The following CSMD1 variants were observed in gnomAD, a reference collection of about 807,000 sequenced individuals.
The protein encoded by CSMD1 is CUB and sushi domain-containing protein 1.
Under a neutral mutation model 417.5 loss-of-function variants are expected in CSMD1, and 213 were observed. The ratio of observed to expected loss-of-function variants is 0.51; its 90% CI spans 0.46 to 0.57. The LOEUF (loss-of-function observed/expected upper bound fraction) is 0.57. Ranked by LOEUF, CSMD1 falls within the 20% of genes least tolerant of loss-of-function variation. The pLI is 0.00. For missense variants in CSMD1, 6,923 were observed against 4,529.7 expected, an observed-to-expected ratio of 1.53 and a Z score of -15.17; for synonymous variants, 2,862 against 1,736.8, an observed-to-expected ratio of 1.65 and a Z score of -16.11.
At chr8:3,887,353 A>C (rs1028214421) in intron 5 of CSMD1, among the ~76,000 whole-genome samples, 2 of 152,186 alleles carry the variant, frequency 1.3e-5, no homozygotes, top group African/African-American at 4.8e-5. Context: ...CAATAAAAGC[A>C]AGATAAATCA....
At chr8:4,033,681 G>A (rs968392535) in intron 3 of CSMD1, among the ~76,000 whole-genome samples, 1 of 152,164 alleles carries the variant, frequency 6.6e-6, no homozygotes, top group Non-Finnish European at 1.5e-5. Flanking sequence ...ATTTGGCTCA[G>A]AATAAATCTC....
chr8:4,172,458 C>A (rs1012558072), intron 3 of CSMD1, among the ~76,000 whole-genome samples: 2 of 151,884 alleles, frequency 1.3e-5, no homozygotes, highest in Admixed American at 1.3e-4. Flanking sequence ...TGTTGTGTTA[C>A]AACAGACACT....
intron 3 of CSMD1, among the ~76,000 whole-genome samples, chr8:4,173,093 G>A (rs1700026): frequency 0.18 from 26,875 of 151,948 alleles, 2,583 homozygotes; most frequent in East Asian, 0.32. Flanking sequence ...TCAGGGAAAG[G>A]TTGTATGAAC....
intron 4 of CSMD1, among the ~76,000 whole-genome samples, chr8:4,012,622 T>C (rs2740945): frequency 6.6e-6 from 1 of 151,704 alleles, no homozygotes; most frequent in South Asian, 2.1e-4. Context: ...TCTGTATGTC[T>C]ACAGTTTTCA....
intron 5 of CSMD1, among the ~76,000 whole-genome samples, chr8:3,975,899 G>C (rs2130128604): frequency 6.6e-6 from 1 of 152,188 alleles, no homozygotes; most frequent in Non-Finnish European, 1.5e-5. Flanking sequence ...AGTTGCAAAT[G>C]AGTGAATGTA....
intron 3 of CSMD1, among the ~76,000 whole-genome samples, chr8:4,188,664 A>G (rs934575165): frequency 2.6e-5 from 4 of 152,164 alleles, no homozygotes; most frequent in African/African-American, 9.7e-5. Context: ...ACTCTCATAA[A>G]ACAGTCTAGT....
chr8:4,792,246 A>T (rs1337893413), intron 1 of CSMD1, among the ~76,000 whole-genome samples: 1 of 152,240 alleles, frequency 6.6e-6, no homozygotes, highest in African/African-American at 2.4e-5. Flanking sequence ...CTGAAAAATA[A>T]CAGTGATAAA....
intron 9 of CSMD1, among the ~76,000 whole-genome samples, chr8:3,580,857 C>G (rs1039886410): frequency 3.9e-5 from 6 of 152,090 alleles, no homozygotes; most frequent in African/African-American, 1.4e-4. Context: ...TCTACAAGGG[C>G]AGAAAACACC....
chr8:4,239,493 C>A (rs1802263509), intron 3 of CSMD1, among the ~76,000 whole-genome samples: 1 of 152,092 alleles, frequency 6.6e-6, no homozygotes, highest in Non-Finnish European at 1.5e-5. Flanking sequence ...GATCAGCTGC[C>A]CCACCCCAGT....
chr8:3,707,508 G>T (rs532642910), intron 7 of CSMD1, among the ~76,000 whole-genome samples: 1 of 152,318 alleles, frequency 6.6e-6, no homozygotes, highest in South Asian at 2.1e-4. Context: ...AGCGTGAGCA[G>T]AAAACGGCCC....
intron 10 of CSMD1, among the ~76,000 whole-genome samples, chr8:3,537,521 C>A (rs1292087753): frequency 6.6e-6 from 1 of 152,142 alleles, no homozygotes; most frequent in African/African-American, 2.4e-5. Flanking sequence ...AATGTTTGGA[C>A]AAACCCCCTA....
intron 49 of CSMD1, among the ~76,000 whole-genome samples, chr8:3,059,705 A>C (rs1459278390): frequency 6.6e-6 from 1 of 152,154 alleles, no homozygotes; most frequent in Non-Finnish European, 1.5e-5. Flanking sequence ...CCAGTAGGGC[A>C]GCCCATGAGA....
At chr8:4,427,057 G>C (rs1246187961) in intron 2 of CSMD1, among the ~76,000 whole-genome samples, 2 of 152,038 alleles carry the variant, frequency 1.3e-5, no homozygotes, top group African/African-American at 2.4e-5. Flanking sequence ...AACAGCCCCA[G>C]AGAGCTTGGG....
intron 3 of CSMD1, among the ~76,000 whole-genome samples, chr8:4,205,434 T>A (rs1799919861): frequency 6.6e-6 from 1 of 152,260 alleles, no homozygotes; most frequent in African/African-American, 2.4e-5. Flanking sequence ...AACTGATATT[T>A]ATTTCATGAT....
intron 30 of CSMD1, among the ~76,000 whole-genome samples, chr8:3,212,027 G>T (rs143922447): frequency 6.6e-6 from 1 of 152,080 alleles, no homozygotes; most frequent in South Asian, 2.1e-4. Flanking sequence ...CCACTTCTTC[G>T]TTTGTCTCCG....
chr8:2,989,499 AAGC>A (rs1384972547), intron 54 of CSMD1, among the ~76,000 whole-genome samples: 2 of 152,228 alleles, frequency 1.3e-5, no homozygotes, highest in Non-Finnish European at 2.9e-5. Flanking sequence ...ATATTTGAAA[AAGC>A]AGTTTTTAAA....
At chr8:3,642,853 C>G (rs1434660373) in intron 7 of CSMD1, among the ~76,000 whole-genome samples, 2 of 151,336 alleles carry the variant, frequency 1.3e-5, no homozygotes, top group Non-Finnish European at 2.9e-5. Flanking sequence ...ATGTGTATAT[C>G]TATATATAGA....
intron 23 of CSMD1, among the ~76,000 whole-genome samples, chr8:3,313,595 T>C (rs377075290): frequency 6.6e-6 from 1 of 152,006 alleles, no homozygotes; most frequent in African/African-American, 2.4e-5. Flanking sequence ...TGGCAAGCAA[T>C]CAATCATTAA....
chr8:3,926,088 C>CACACACACACACAAACACCAT (rs1809671421), intron 5 of CSMD1, among the ~76,000 whole-genome samples: 2 of 31,240 alleles, frequency 6.4e-5, no homozygotes, highest in African/African-American at 8.3e-4. Context: ...ACCATACACA[C>CACACACACACACAAACACCAT]ACACACACAC....
Sources: allele counts gnomAD v4.1 joint callset (sites outside exome capture counted in the v4.1 genomes callset), GRCh38; gene constraint gnomAD v4.1.1; transcripts MANE v1.5; gene names NCBI Gene and HGNC (gene_info 2026-07-23, HGNC 2026-07-21).